The following GUCY1B1 variants were observed in gnomAD, a reference collection of about 807,000 sequenced individuals.
GUCY1B1 encodes guanylate cyclase 1 soluble subunit beta 1, also known as guanylate cyclase soluble subunit beta-1.
In GUCY1B1, 43 loss-of-function variants were observed where a neutral mutation model predicts 71.0. The ratio of observed to expected loss-of-function variants is 0.61; its 90% CI spans 0.47 to 0.78. The LOEUF is 0.78. Among genes scored for constraint, GUCY1B1 ranks in the 30% least tolerant of loss-of-function variants. The pLI, the probability that GUCY1B1 is intolerant of heterozygous loss-of-function variation, is 0.00. For missense variants in GUCY1B1, 535 were observed against 754.1 expected (o/e 0.71, Z 3.40); for synonymous variants, 266 against 259.7 (o/e 1.02, Z -0.23).
chr4:155,773,854 A>AT (rs1458281640), intron 2 of GUCY1B1, among the ~76,000 whole-genome samples: 2 of 152,038 alleles, frequency 1.3e-5, no homozygotes, highest in Non-Finnish European at 2.9e-5. Flanking sequence ...CGCCAGGCTA[A>AT]TTTTTTGTAT....
At chr4:155,804,904 T>G (rs1740212512) in intron 12 of GUCY1B1, among the ~76,000 whole-genome samples, 157 bp downstream of exon 12, 1 of 152,190 alleles carries the variant, frequency 6.6e-6, no homozygotes, top group Non-Finnish European at 1.5e-5. Flanking sequence ...GAGAAGATTG[T>G]GTCATTATTT....
At chr4:155,769,735 T>C (rs775664038) in intron 2 of GUCY1B1, among the ~76,000 whole-genome samples, 2 of 152,124 alleles carry the variant, frequency 1.3e-5, no homozygotes, top group Non-Finnish European at 2.9e-5. Flanking sequence ...TTGAAAAAAA[T>C]GACAGTATGT....
chr4:155,805,008 G>C, intron 12 of GUCY1B1, 95 bp from the exon 13 acceptor site: 2 of 1,092,850 alleles, frequency 1.8e-6, no homozygotes, highest in East Asian at 4.8e-5. Flanking sequence ...TTCAGCATTT[G>C]TTCTTGCCAT....
At chr4:155,773,836 C>T (rs1221293215) in intron 2 of GUCY1B1, among the ~76,000 whole-genome samples, 3 of 152,120 alleles carry the variant, frequency 2.0e-5, no homozygotes. Flanking sequence ...TACAGGCACC[C>T]GCCACCACGC....
chr4:155,760,030 TGGAACCA>T (rs1736871061), intron 2 of GUCY1B1, among the ~76,000 whole-genome samples, 170 bp downstream of exon 2: 1 of 151,876 alleles, frequency 6.6e-6, no homozygotes, highest in African/African-American at 2.4e-5. Context: ...GCTCCGGGAC[TGGAACCA>T]GGAGGGGAGG....
intron 2 of GUCY1B1, among the ~76,000 whole-genome samples, chr4:155,769,122 G>A (rs1413834645): frequency 6.6e-6 from 1 of 152,088 alleles, no homozygotes; most frequent in African/African-American, 2.4e-5. Context: ...CATTAAGTGT[G>A]CAAGAAGTAC....
Position 155,799,910 on chromosome 4 carries a change from G to T in GUCY1B1, c.1011G>T (p.Gly337=), listed in dbSNP as rs781632687. The change falls in exon 9 of 14, where the codon GGG becomes GGT. Residue 337 remains glycine, a synonymous_variant. Coordinates refer to ENST00000264424, the MANE Select transcript of GUCY1B1 (RefSeq NM_000857.5). ...VMNLDDLTRR[G]LYLSDIPLHD... ...ACCTGGACGATTTGACAAGGAGAGG[G>T]CTGTATCTAAGTGACATCCCTCTGC... 6 of 1,612,714 alleles carry T rather than the reference G, an allele frequency of 3.7e-6. 1 individual carries two copies. In the South Asian group the frequency reaches 6.6e-5, roughly 18 times the overall value.
intron 12 of GUCY1B1, 138 bp downstream of exon 12, chr4:155,804,885 T>C: frequency 2.5e-6 from 2 of 812,226 alleles, no homozygotes; most frequent in Non-Finnish European, 2.0e-6. Context: ...AGTTGTTTAC[T>C]TTTTATTTGA....
rs199558345 is a variant in GUCY1B1 at position 155,796,428 on chromosome 4, A to T, written c.895A>T (p.Thr299Ser). The T allele has an allele frequency of 3.1e-6, 5 of 1,612,766 alleles. No individual in the cohort carries two copies. The Admixed American group carries it at 8.3e-5, about 27-fold the overall frequency. The change falls in exon 8 of 14, where the codon ACT becomes TCT. Residue 299 changes from threonine (T) to serine (S), a missense_variant. Thr to Ser is a moderately conservative substitution (Grantham distance 58). Transcript: ENST00000264424. ...KLECEDELTG[T>S]EISCLRLKGQ... ...AGAATGTGAGGATGAACTGACTGGGACTGAGATCAGCTGCTTACGTCTCAA... is the reference window on the plus strand; with the variant it reads ...AGAATGTGAGGATGAACTGACTGGGTCTGAGATCAGCTGCTTACGTCTCAA...
chr4:155,802,160 T>C lies in GUCY1B1; in HGVS notation c.1176-182T>C. 3.6e-6 allele frequency: 5 copies of C among 1,384,388 alleles called. No homozygotes were observed. The highest frequency in any genetic ancestry group is 4.8e-6 in the Non-Finnish European group (5 of 1,047,452). The allele number at this position is 1,384,388 out of a possible 1,614,324, so 85.8% of individuals were successfully genotyped here. On this transcript the variant is annotated intron_variant, in intron 9 of 13. Coordinates refer to ENST00000264424, the MANE Select transcript of GUCY1B1 (RefSeq NM_000857.5). This position sits in a 1 kb window ranked among gnomAD's most constrained non-coding sequence, Gnocchi z 4.3. The stretch of plus-strand genomic sequence containing the variant: ...GATTAGGATGAACAAATAATTTATG[T>C]TTTCTGTAAATCCTTGCTTATAAAT...
At chr4:155,759,496 T>C (rs1336074721) in intron 1 of GUCY1B1, 8 of 489,588 alleles carry the variant, frequency 1.6e-5, no homozygotes, top group Admixed American at 4.0e-5. Flanking sequence ...CGGGTTCGCG[T>C]CCCCGCGCTG....
chr4:155,798,272 G>GA (rs1320518957), intron 8 of GUCY1B1, among the ~76,000 whole-genome samples: 1 of 152,050 alleles, frequency 6.6e-6, no homozygotes, highest in African/African-American at 2.4e-5. Context: ...TTTGAATTTA[G>GA]AAAAAACTTA....
At chr4:155,762,820 G>A (rs187704111) in intron 2 of GUCY1B1, among the ~76,000 whole-genome samples, 1 of 152,302 alleles carries the variant, frequency 6.6e-6, no homozygotes, top group Admixed American at 6.5e-5. Context: ...GTTAGCTCTT[G>A]GACCAGGAAA....
chr4:155,768,094 T>A (rs144840877), intron 2 of GUCY1B1, among the ~76,000 whole-genome samples: 32 of 152,264 alleles, frequency 2.1e-4, no homozygotes, highest in African/African-American at 7.7e-4. Flanking sequence ...TGATTGACCT[T>A]TTCTGCCCAA....
At chr4:155,760,710 G>T (rs561542031) in intron 2 of GUCY1B1, among the ~76,000 whole-genome samples, 9 of 152,158 alleles carry the variant, frequency 5.9e-5, no homozygotes, top group Middle Eastern at 3.4e-3. Flanking sequence ...CCACCAACTA[G>T]CTACTCCAAA....
At position 155,802,670 on chromosome 4, in the gene GUCY1B1, C is replaced by A; in HGVS notation, c.1413+91C>A. On this transcript the variant is annotated intron_variant, in intron 10 of 13. Coordinates refer to ENST00000264424, the MANE Select transcript of GUCY1B1 (RefSeq NM_000857.5). The surrounding 1 kb of genome is among the most constrained non-coding windows in gnomAD (Gnocchi z 4.3). ...AGGCCATGTCATCACAGCTCTCTGA[C>A]TCCAGCACTGCAGCCTTGAGTACAG... 1 of 1,110,768 alleles carries A rather than the reference C, an allele frequency of 9.0e-7. No individual in the cohort carries two copies. The highest frequency in any genetic ancestry group is 1.3e-6 in the Non-Finnish European group (1 of 785,904). The allele number at this position is 1,110,768 out of a possible 1,614,324, so 68.8% of individuals were successfully genotyped here.
chr4:155,765,632 C>T (rs548096056), intron 2 of GUCY1B1, among the ~76,000 whole-genome samples: 1 of 152,290 alleles, frequency 6.6e-6, no homozygotes, highest in African/African-American at 2.4e-5. Flanking sequence ...TCTACTTCCC[C>T]TTCATTGTTG....
intron 3 of GUCY1B1, 22 bp from the exon 4 acceptor site, chr4:155,777,502 C>A: frequency 8.4e-7 from 1 of 1,184,632 alleles, no homozygotes; most frequent in Non-Finnish European, 1.3e-6. Flanking sequence ...GCTTTTTTTC[C>A]CCTCTTGAAT....
intron 8 of GUCY1B1, 125 bp from the exon 9 acceptor site, chr4:155,799,752 A>G (rs949923546): frequency 2.0e-5 from 11 of 548,448 alleles, no homozygotes; most frequent in African/African-American, 1.9e-4. Flanking sequence ...CCATAATTCT[A>G]TTGTCTTCAG....
Sources: gnomAD v4.1 joint callset for allele counts (sites outside exome capture counted in the v4.1 genomes callset) on GRCh38, gnomAD v4.1.1 for gene constraint, Gnocchi (gnomAD v3.1) non-coding constraint, MANE v1.5 for transcripts, NCBI Gene and HGNC (gene_info 2026-07-23, HGNC 2026-07-21) for gene names.